The following SLC71A2 variants were observed in gnomAD, a reference collection of about 807,000 sequenced individuals.
SLC71A2 encodes hippocampus abundant transcript-like 1.
the SLC71A2 span, among the ~76,000 whole-genome samples, chr9:94,445,620 A>G: frequency 2.6e-5 from 4 of 151,990 alleles, no homozygotes; most frequent in African/African-American, 9.7e-5. Flanking sequence ...GTTTTCTATA[A>G]TATGTCTCTC....
the SLC71A2 span, among the ~76,000 whole-genome samples, chr9:94,455,518 T>G: frequency 6.6e-6 from 1 of 152,022 alleles, no homozygotes; most frequent in East Asian, 1.9e-4. Context: ...CCTAGCCGTC[T>G]GTGACTTTTT....
At chr9:94,459,569 CCT>C in the SLC71A2 span, 17 of 556,056 alleles carry the variant, frequency 3.1e-5, no homozygotes, top group South Asian at 4.8e-4. Context: ...TCATCCTCCT[CCT>C]GTTTTTTTTT....
chr9:94,450,482 AAAT>A, the SLC71A2 span, among the ~76,000 whole-genome samples: 1 of 101,386 alleles, frequency 9.9e-6, no homozygotes, highest in Non-Finnish European at 2.0e-5. Context: ...ATATAGGGCA[AAAT>A]AATGTAACTT....
the SLC71A2 span, among the ~76,000 whole-genome samples, chr9:94,452,633 TTTCATATATATATTCATATATA>T: frequency 1.0e-5 from 1 of 98,274 alleles, no homozygotes; most frequent in Non-Finnish European, 2.1e-5. Context: ...ATATATATAT[TTTCATATATATATTCATATATA>T]TTCATATATA....
At chr9:94,456,670 A>T in the SLC71A2 span, among the ~76,000 whole-genome samples, 2 of 152,220 alleles carry the variant, frequency 1.3e-5, no homozygotes, top group Admixed American at 6.5e-5. Context: ...ATGTCTATTA[A>T]ATAATGAAAA....
At chr9:94,456,905 CT>C in the SLC71A2 span, among the ~76,000 whole-genome samples, 1 of 152,070 alleles carries the variant, frequency 6.6e-6, no homozygotes, top group Non-Finnish European at 1.5e-5. Context: ...CTCTGCTTCC[CT>C]TCCTGTCCTG....
chr9:94,399,252 A>G, the SLC71A2 span, among the ~76,000 whole-genome samples: 6 of 152,098 alleles, frequency 3.9e-5, no homozygotes, highest in East Asian at 9.7e-4. Flanking sequence ...CTCCTCTTAC[A>G]TATTTCCCAC....
At chr9:94,429,110 G>C in the SLC71A2 span, 2 of 1,573,036 alleles carry the variant, frequency 1.3e-6, no homozygotes, top group South Asian at 2.3e-5. Context: ...CATTTATGTA[G>C]CATGCCATTA....
the SLC71A2 span, chr9:94,429,392 T>G: frequency 0.013 from 16,945 of 1,327,494 alleles, 135 homozygotes; most frequent in Non-Finnish European, 0.015. Flanking sequence ...AGCTGGGTTA[T>G]TAAAAGTCAC....
the SLC71A2 span, among the ~76,000 whole-genome samples, chr9:94,427,938 A>G: frequency 4.6e-5 from 7 of 151,270 alleles, no homozygotes; most frequent in Admixed American, 4.6e-4. Context: ...CCTGGCCAAT[A>G]TGGTGAAACT....
At chr9:94,375,622 A>ATT in the SLC71A2 span, among the ~76,000 whole-genome samples, 1,963 of 147,998 alleles carry the variant, frequency 0.013, 44 homozygotes, top group African/African-American at 0.045. Flanking sequence ...TTTAAAAAGG[A>ATT]TTTTTTTTTT....
chr9:94,374,556 C>T, the SLC71A2 span: 1 of 152,506 alleles, frequency 6.6e-6, no homozygotes, highest in African/African-American at 2.4e-5. Context: ...TGCAGCCCGC[C>T]CCTGACGCCG....
chr9:94,440,758 GT>G, the SLC71A2 span, among the ~76,000 whole-genome samples: 18 of 151,340 alleles, frequency 1.2e-4, no homozygotes, highest in Admixed American at 8.5e-4. Flanking sequence ...CTCTTCTTTT[GT>G]TTTTTTAGGG....
At chr9:94,379,409 G>A in the SLC71A2 span, among the ~76,000 whole-genome samples, 1 of 123,860 alleles carries the variant, frequency 8.1e-6, no homozygotes, top group Non-Finnish European at 1.8e-5. Flanking sequence ...TTTTTAAGAG[G>A]TGAGGCCTCA....
chr9:94,415,252 C>T, the SLC71A2 span: 1 of 1,607,104 alleles, frequency 6.2e-7, no homozygotes, highest in Non-Finnish European at 8.5e-7. Context: ...CCAATGTTGA[C>T]TGTAAGTATT....
At chr9:94,389,271 GTT>G in the SLC71A2 span, among the ~76,000 whole-genome samples, 1 of 144,098 alleles carries the variant, frequency 6.9e-6, no homozygotes, top group Admixed American at 7.0e-5. Context: ...CTTAATTCTG[GTT>G]TTTTTTTTTT....
the SLC71A2 span, among the ~76,000 whole-genome samples, chr9:94,455,171 T>TTC: frequency 1.0e-5 from 1 of 99,686 alleles, no homozygotes; most frequent in Non-Finnish European, 1.9e-5. Flanking sequence ...TTTTTTTTTT[T>TTC]TTTTTTTTTT....
chr9:94,408,088 G>T, the SLC71A2 span, among the ~76,000 whole-genome samples: 1 of 152,100 alleles, frequency 6.6e-6, no homozygotes, highest in South Asian at 2.1e-4. Context: ...TCATAGGTGT[G>T]TGTAGGAAAA....
the SLC71A2 span, chr9:94,438,306 C>T: frequency 1.5e-5 from 21 of 1,409,728 alleles, no homozygotes; most frequent in Non-Finnish European, 2.1e-5. Flanking sequence ...GGGGGCAGTA[C>T]AATGAATTAG....
Sources: gnomAD v4.1 joint callset for allele counts (sites outside exome capture counted in the v4.1 genomes callset) on GRCh38, gnomAD v4.1.1 for gene constraint, MANE v1.5 for transcripts, NCBI Gene and HGNC (gene_info 2026-07-23, HGNC 2026-07-21) for gene names.